The following PEX5L variants were observed in gnomAD, a reference collection of about 807,000 sequenced individuals.
PEX5L encodes the protein peroxisomal biogenesis factor 5 like.
Under a neutral mutation model 84.0 loss-of-function variants are expected in PEX5L, and 30 were observed. That is an observed-to-expected ratio of 0.36 (90% CI 0.27 to 0.48). The LOEUF (loss-of-function observed/expected upper bound fraction) is 0.48. Among genes scored for constraint, PEX5L ranks in the 20% least tolerant of loss-of-function variants. The pLI, the probability that PEX5L is intolerant of heterozygous loss-of-function variation, is 0.99. For synonymous variants in PEX5L, 270 were observed against 283.1 expected, an observed-to-expected ratio of 0.95 and a Z score of 0.46; for missense variants, 533 against 754.6, an observed-to-expected ratio of 0.71 and a Z score of 3.44.
At chr3:180,035,669 T>C (rs1008611839) in intron 1 of PEX5L, among the ~76,000 whole-genome samples, 9 of 152,188 alleles carry the variant, frequency 5.9e-5, no homozygotes, top group Non-Finnish European at 1.3e-4. Context: ...TATTCATAAA[T>C]GTTATACACC....
chr3:179,958,980 T>C (rs1781320925), intron 2 of PEX5L, among the ~76,000 whole-genome samples: 3 of 151,066 alleles, frequency 2.0e-5, no homozygotes, highest in South Asian at 4.2e-4. Flanking sequence ...TGAGCCGAGA[T>C]CGCGCTGCTG....
chr3:179,984,837 G>C (rs1343843265), intron 1 of PEX5L, among the ~76,000 whole-genome samples: 1 of 152,094 alleles, frequency 6.6e-6, no homozygotes, highest in East Asian at 1.9e-4. Context: ...ACTTATATTT[G>C]AGTTATATCC....
rs1387553929 is a variant in PEX5L at position 179,808,260 on chromosome 3, G to A, written c.1518+12C>T. 4 of 1,544,968 alleles carry A rather than the reference G, an allele frequency of 2.6e-6. No individual in the cohort carries two copies. The highest frequency in any genetic ancestry group is 1.3e-5 in the South Asian group (1 of 79,524). ...GAACGCTGTGGTTTCTTGCTGTGCT[G>A]TGCTGTCTTACCTCTGGCCGAACAG... On this transcript the variant is annotated intron_variant, in intron 13 of 14. Coordinates refer to ENST00000467460, the MANE Select transcript of PEX5L (RefSeq NM_016559.3).
intron 2 of PEX5L, among the ~76,000 whole-genome samples, chr3:179,901,312 T>C (rs1310697118): frequency 3.3e-5 from 5 of 150,802 alleles, no homozygotes; most frequent in Non-Finnish European, 7.4e-5. Flanking sequence ...AAGATATATA[T>C]GTAATTGTTC....
chr3:180,024,372 A>ATATATATT (rs1436580822), intron 1 of PEX5L, among the ~76,000 whole-genome samples: 1 of 119,676 alleles, frequency 8.4e-6, no homozygotes, highest in Non-Finnish European at 1.6e-5. Context: ...ATATATATAT[A>ATATATATT]TACACACACA....
At chr3:179,868,615 C>G (rs1037394915) in intron 7 of PEX5L, among the ~76,000 whole-genome samples, 10 of 152,108 alleles carry the variant, frequency 6.6e-5, no homozygotes, top group Non-Finnish European at 1.3e-4. Context: ...TTAATGCAAC[C>G]AGCACTTCCT....
chr3:179,891,231 A>G (rs903463491), intron 3 of PEX5L, among the ~76,000 whole-genome samples: 1 of 152,142 alleles, frequency 6.6e-6, no homozygotes, highest in African/African-American at 2.4e-5. Context: ...TGGAACTGTT[A>G]TAACTGCCTG....
Position 179,905,848 on chromosome 3 carries a change from T to C in PEX5L, c.94-7602A>G, listed in dbSNP as rs528680596. Among the ~76,000 whole-genome samples, 11 of 152,342 alleles carry C rather than the reference T, an allele frequency of 7.2e-5. No homozygotes were observed. In the South Asian group the frequency reaches 2.1e-3, roughly 29 times the overall value. On this transcript the variant is annotated intron_variant, in intron 2 of 14. Coordinates refer to ENST00000467460, the MANE Select transcript of PEX5L (RefSeq NM_016559.3). ...GAGCAAAGATTGTGTTAATATCTTCTGAACCATTTCCACATTGTTTGGTAT... is the reference window on the plus strand; with the variant it reads ...GAGCAAAGATTGTGTTAATATCTTCCGAACCATTTCCACATTGTTTGGTAT...
chr3:179,797,605 A>AAAAATATATATATAT lies in PEX5L; in HGVS notation c.*4222_*4223insATATATATATATTTT, dbSNP rs1553807980. On this transcript the variant is annotated 3_prime_UTR_variant, in exon 15 of 15. Coordinates refer to ENST00000467460, the MANE Select transcript of PEX5L (RefSeq NM_016559.3). ...AACACTCTTTAAAAAAAAAAAAAAAAATATATATATATATATATATATATA... is the reference window on the plus strand; with the variant it reads ...AACACTCTTTAAAAAAAAAAAAAAAAAAAATATATATATATATATATATATATATATATATATATA... 16 of 89,152 alleles carry AAAAATATATATATAT rather than the reference A, an allele frequency of 1.8e-4. No individual in the cohort carries two copies. The highest frequency in any genetic ancestry group is 6.3e-4 in the African/African-American group (14 of 22,210). 5.5% of individuals were successfully genotyped at this position (89,152 alleles called of 1,614,324 possible).
At chr3:179,899,432 A>G (rs1239997777) in intron 2 of PEX5L, among the ~76,000 whole-genome samples, 1 of 152,124 alleles carries the variant, frequency 6.6e-6, no homozygotes, top group Non-Finnish European at 1.5e-5. Context: ...AAACCGACAT[A>G]TGGGGGTCTA....
Position 179,809,546 on chromosome 3 carries a change from T to C in PEX5L, c.1277A>G (p.Lys426Arg). 6.2e-7 allele frequency: 1 copy of C among 1,614,126 alleles called. No homozygotes were observed. The highest frequency in any genetic ancestry group is 8.5e-7 in the Non-Finnish European group (1 of 1,179,962). The part of the protein sequence containing the change: ...ALKNWIKQNP[K>R]YKYLVKSKKG... ...CTTGCTTTTCACAAGGTATTTGTAC[T>C]TTGGATTTTGCTTAATCCAATTCTT... is the stretch of plus-strand genomic sequence containing the variant. The change falls in exon 12 of 15, where the codon AAG becomes AGG. Residue 426 changes from lysine (K) to arginine (R), a missense_variant. Physicochemically the swap from Lys to Arg is conservative, Grantham distance 26 (BLOSUM62 2). This residue lies in a region of PEX5L where 63 missense variants were observed against 60.2 expected (regional missense o/e 1.05). Transcript: ENST00000467460.
Position 179,954,211 on chromosome 3 carries a change from G to A in PEX5L, c.93+17383C>T, listed in dbSNP as rs1010637953. Among the ~76,000 whole-genome samples the A allele has an allele frequency of 1.3e-4, 18 of 135,008 alleles. No homozygotes were observed. In the South Asian group the frequency reaches 1.4e-3, roughly 10 times the overall value. 88.6% of individuals were successfully genotyped at this position (135,008 alleles called of 152,430 possible). A position where few individuals can be genotyped will look rare whatever the true frequency, so the allele number is the denominator to read the frequency against. Reference sequence around the variant, plus strand: ...CAGAAATTAACCATTAGTCGGGGGGGGGGGAAAAAGTCAGCCATGAGTAAA... The same window carrying A: ...CAGAAATTAACCATTAGTCGGGGGGAGGGGAAAAAGTCAGCCATGAGTAAA... On this transcript the variant is annotated intron_variant, in intron 2 of 14. Transcript: ENST00000467460.
chr3:179,854,165 A>G (rs1743020246), intron 8 of PEX5L, among the ~76,000 whole-genome samples: 1 of 150,978 alleles, frequency 6.6e-6, no homozygotes, highest in Non-Finnish European at 1.5e-5. Context: ...TTTCAATACA[A>G]TGTTAAGATA....
At chr3:179,876,515 G>A (rs1752455343) in intron 5 of PEX5L, among the ~76,000 whole-genome samples, 1 of 151,506 alleles carries the variant, frequency 6.6e-6, no homozygotes, top group Non-Finnish European at 1.5e-5. Flanking sequence ...AAAAAGATCA[G>A]TTTGCAGTAG....
chr3:179,993,448 A>T (rs1332454578), intron 1 of PEX5L, among the ~76,000 whole-genome samples: 1 of 152,154 alleles, frequency 6.6e-6, no homozygotes, highest in Non-Finnish European at 1.5e-5. Context: ...CTTATACAAA[A>T]TGCTGTAGTA....
At position 180,036,717 on chromosome 3, in the gene PEX5L, G is replaced by A; in HGVS notation, c.-118C>T. 1 of 1,054,154 alleles carries A rather than the reference G, an allele frequency of 9.5e-7. No homozygotes were observed. Among genetic ancestry groups the A allele is most frequent in the Non-Finnish European group, 1.5e-6 (1 of 676,894 alleles). The allele number at this position is 1,054,154 out of a possible 1,614,324, so 65.3% of individuals were successfully genotyped here. A position where few individuals can be genotyped will look rare whatever the true frequency, so the allele number is the denominator to read the frequency against. On this transcript the variant is annotated 5_prime_UTR_variant, in exon 1 of 15. Coordinates refer to ENST00000467460, the MANE Select transcript of PEX5L (RefSeq NM_016559.3). ...CAGCGGGTTCTCAGAGGGTGCTCCT[G>A]AGCCCCCTGGAGCTCCGGGTACTCG...
Position 179,936,977 on chromosome 3 carries a change from A to G in PEX5L, c.93+34617T>C, listed in dbSNP as rs1190878976. Among the ~76,000 whole-genome samples, 2 of 148,402 alleles carry G rather than the reference A, an allele frequency of 1.3e-5. 1 individual carries two copies. The highest frequency in any genetic ancestry group is 3.0e-5 in the Non-Finnish European group (2 of 67,086). On this transcript the variant is annotated intron_variant, in intron 2 of 14. Transcript: ENST00000467460. The stretch of plus-strand genomic sequence containing the variant: ...TCTAGGTATATAAAACTATTACTAA[A>G]CTGAGTGAGGTTGGTGAATTATCTT...
rs557908345 is a variant in PEX5L at position 179,796,173 on chromosome 3, G to T, written c.*5655C>A. 6.6e-6 allele frequency: 1 copy of T among 151,898 alleles called. No individual in the cohort carries two copies. The allele number at this position is 151,898 out of a possible 1,614,324, so 9.4% of individuals were successfully genotyped here. A position where few individuals can be genotyped will look rare whatever the true frequency, so the allele number is the denominator to read the frequency against. On this transcript the variant is annotated 3_prime_UTR_variant, in exon 15 of 15. Transcript: ENST00000467460. Reference sequence around the variant, plus strand: ...CATTTCCCTTTCCAAGAAATCCAAAGAACACGACCCCTCCCCCTCCCCCAA... The same window carrying T: ...CATTTCCCTTTCCAAGAAATCCAAATAACACGACCCCTCCCCCTCCCCCAA...
rs1389061307 is a variant in PEX5L, at chr3:179,802,048, AAC to A, written c.1677-18_1677-17del. ...GACCGCTTCTCTAAGAAGGTAGAAA[AAC>A]ATATTTTAAAATGAGTCACATTTCA... On this transcript the variant is annotated splice_polypyrimidine_tract_variant and intron_variant, in intron 14 of 14. Coordinates refer to ENST00000467460, the MANE Select transcript of PEX5L (RefSeq NM_016559.3). The A allele has an allele frequency of 8.9e-6, 14 of 1,567,516 alleles. No homozygotes were observed. In the African/African-American group the frequency reaches 1.5e-4, roughly 17 times the overall value.
Sources: allele counts gnomAD v4.1 joint callset (sites outside exome capture counted in the v4.1 genomes callset), GRCh38; gene constraint gnomAD v4.1.1; regional missense constraint gnomAD v4.1.1; transcripts MANE v1.5; gene names NCBI Gene and HGNC (gene_info 2026-07-23, HGNC 2026-07-21).